The following PTK2 variants were observed in gnomAD, a reference collection of about 807,000 sequenced individuals.
The protein encoded by PTK2 is protein tyrosine kinase 2, also known as focal adhesion kinase 1.
PTK2 carries 45 observed loss-of-function variants against 150.1 expected under a neutral mutation model. The ratio of observed to expected loss-of-function variants is 0.30; its 90% confidence interval spans 0.24 to 0.38. The LOEUF (loss-of-function observed/expected upper bound fraction) is 0.38, where lower values mean the gene tolerates loss of function less well. Ranked by LOEUF, PTK2 falls within the 10% of genes least tolerant of loss-of-function variation. The pLI is 1.00. For synonymous variants in PTK2, 432 were observed against 449.2 expected, an observed-to-expected ratio of 0.96 and a Z score of 0.48; for missense variants, 919 against 1,307.3, an observed-to-expected ratio of 0.70 and a Z score of 4.58.
chr8:140,777,839 G>A (rs577469185), intron 14 of PTK2, among the ~76,000 whole-genome samples: 45 of 152,270 alleles, frequency 3.0e-4, no homozygotes, highest in African/African-American at 9.4e-4. Flanking sequence ...TTCTGAACAC[G>A]CGTTCTATGA....
intron 7 of PTK2, among the ~76,000 whole-genome samples, chr8:140,831,112 G>GA (rs1412352355): frequency 6.6e-6 from 1 of 152,174 alleles, no homozygotes; most frequent in Non-Finnish European, 1.5e-5. Flanking sequence ...TGAATTTATG[G>GA]AAATGCTGGA....
chr8:140,927,975 A>AAAATAT, intron 1 of PTK2, among the ~76,000 whole-genome samples: 19 of 48,182 alleles, frequency 3.9e-4, no homozygotes, highest in African/African-American at 6.8e-4. Context: ...AAAAAAAAAA[A>AAAATAT]ATATATATAT....
chr8:140,662,885 C>A (rs1257871931), intron 31 of PTK2: 6 of 409,826 alleles, frequency 1.5e-5, no homozygotes, highest in Admixed American at 8.4e-5. Context: ...AATCACTGAG[C>A]CTATGTTTGT....
At chr8:140,697,698 GC>G (rs745527606) in intron 26 of PTK2, among the ~76,000 whole-genome samples, 8 of 151,988 alleles carry the variant, frequency 5.3e-5, no homozygotes, top group Non-Finnish European at 1.0e-4. Context: ...GAGCCACTGT[GC>G]CCAGCCAGAA....
intron 29 of PTK2, chr8:140,672,136 T>C: frequency 2.2e-6 from 1 of 454,074 alleles, no homozygotes; most frequent in Middle Eastern, 3.3e-4. Context: ...ATACAAGCCA[T>C]TTTGAAAGTC....
At position 140,789,542 on chromosome 8, in the gene PTK2, G is replaced by A. The variant is rs1178159529; in HGVS notation, c.1125-16C>T. 2 of 1,611,676 alleles carry A rather than the reference G, an allele frequency of 1.2e-6. No individual in the cohort carries two copies. Among genetic ancestry groups the A allele is most frequent in the Middle Eastern group, 1.7e-4 (1 of 6,054 alleles). On this transcript the variant is annotated splice_polypyrimidine_tract_variant and intron_variant, in intron 13 of 31. Transcript: ENST00000522684. The stretch of plus-strand genomic sequence containing the variant: ...GTTGGCCAACCTGTGACAGACAAGA[G>A]CAAAGCTGTAAGCCCTGCAATTTCC...
intron 3 of PTK2, among the ~76,000 whole-genome samples, chr8:140,884,209 T>C (rs916653994): frequency 6.6e-6 from 1 of 152,182 alleles, no homozygotes; most frequent in Non-Finnish European, 1.5e-5. Context: ...GCCAACATTC[T>C]ACCTATGGGA....
At chr8:140,981,200 C>T (rs2100191296) in intron 1 of PTK2, among the ~76,000 whole-genome samples, 1 of 151,432 alleles carries the variant, frequency 6.6e-6, no homozygotes, top group Admixed American at 6.6e-5. Context: ...AAACATTTTG[C>T]CCTCAGACTT....
chr8:140,967,457 CTTTCT>C (rs1296601925), intron 1 of PTK2, among the ~76,000 whole-genome samples: 84 of 115,912 alleles, frequency 7.2e-4, no homozygotes, highest in South Asian at 1.2e-3. Flanking sequence ...TTCTTTCTTT[CTTTCT>C]TTTTTTTTTT....
At chr8:140,670,676 C>A (rs753304047) in intron 29 of PTK2, among the ~76,000 whole-genome samples, 2 of 151,964 alleles carry the variant, frequency 1.3e-5, no homozygotes, top group Non-Finnish European at 2.9e-5. Context: ...CAAGCCAGGG[C>A]GCTATCCTAC....
chr8:140,722,750 A>C (rs1017557819), intron 22 of PTK2, among the ~76,000 whole-genome samples: 11 of 152,210 alleles, frequency 7.2e-5, no homozygotes, highest in Admixed American at 5.9e-4. Flanking sequence ...CCACACCCTC[A>C]GTCAGAGTTT....
intron 31 of PTK2, among the ~76,000 whole-genome samples, chr8:140,661,827 G>T (rs1437670946): frequency 6.6e-6 from 1 of 152,186 alleles, no homozygotes; most frequent in Non-Finnish European, 1.5e-5. Flanking sequence ...AGCAGAGAGA[G>T]TTCCAAACAG....
intron 14 of PTK2, among the ~76,000 whole-genome samples, chr8:140,770,400 C>A (rs1408134858): frequency 1.3e-5 from 2 of 152,134 alleles, no homozygotes; most frequent in Non-Finnish European, 2.9e-5. Context: ...AAAGTGTGAT[C>A]CTGCTGACCT....
chr8:140,922,648 T>C (rs2100167957), intron 2 of PTK2, among the ~76,000 whole-genome samples: 1 of 152,200 alleles, frequency 6.6e-6, no homozygotes, highest in Non-Finnish European at 1.5e-5. Context: ...AAATAAAAGC[T>C]ACCTTCATTA....
chr8:140,729,574 C>T (rs569237235), intron 22 of PTK2, among the ~76,000 whole-genome samples: 176 of 152,336 alleles, frequency 1.2e-3, no homozygotes, highest in South Asian at 2.7e-3. Flanking sequence ...TGTGCATCTG[C>T]TAGTGATGCT....
intron 5 of PTK2, among the ~76,000 whole-genome samples, chr8:140,854,757 T>G (rs1296839027): frequency 6.6e-6 from 1 of 152,172 alleles, no homozygotes; most frequent in African/African-American, 2.4e-5. Context: ...CCTTAATAAT[T>G]ATGTCTAACT....
intron 1 of PTK2, among the ~76,000 whole-genome samples, chr8:140,942,846 G>A (rs538567778): frequency 6.6e-6 from 1 of 152,306 alleles, no homozygotes; most frequent in Non-Finnish European, 1.5e-5. Flanking sequence ...CAGCCTGGTA[G>A]GAGGTGTTTG....
intron 7 of PTK2, among the ~76,000 whole-genome samples, chr8:140,836,493 G>A (rs1327347567): frequency 2.0e-5 from 3 of 152,186 alleles, no homozygotes; most frequent in African/African-American, 7.2e-5. Context: ...AACACTGATT[G>A]TCTATCACTT....
intron 27 of PTK2, among the ~76,000 whole-genome samples, chr8:140,680,896 AC>A (rs1202289421): frequency 6.6e-6 from 1 of 152,190 alleles, no homozygotes; most frequent in Admixed American, 6.5e-5. Flanking sequence ...TTGCATACAC[AC>A]CTGTGACTAG....
Sources: allele counts gnomAD v4.1 joint callset (sites outside exome capture counted in the v4.1 genomes callset), GRCh38; gene constraint gnomAD v4.1.1; transcripts MANE v1.5; gene names NCBI Gene and HGNC (gene_info 2026-07-23, HGNC 2026-07-21).